BLK: variants seen among roughly 807,000 people sequenced by gnomAD.
The protein encoded by BLK is tyrosine-protein kinase Blk.
BLK carries 64 observed loss-of-function variants against 61.8 expected under a neutral mutation model. That is an observed-to-expected ratio of 1.03 (90% CI 0.85 to 1.27). The LOEUF is 1.27. Ranked by LOEUF, BLK falls within the 50% of genes most tolerant of loss-of-function variation. The probability of loss-of-function intolerance (pLI) is 0.00; values close to 1 mark genes in which losing one functional copy is unlikely to be tolerated. For missense variants in BLK, 853 were observed against 660.5 expected (o/e 1.29, Z -3.19); for synonymous variants, 351 against 272.0 (o/e 1.29, Z -2.86).
rs12386974 is a variant in BLK at position 11,543,119 on chromosome 8, C to G, written c.-1-105C>G. The G allele has an allele frequency of 0.54, 847,021 of 1,577,420 alleles. 236,504 individuals carry two copies. The highest frequency in any genetic ancestry group is 1 in the East Asian group (44,357 of 44,468). On this transcript the variant is annotated intron_variant, in intron 1 of 12. Transcript: ENST00000259089. ...GGTCTTTGCTGCACCCACTTCCACC[C>G]CACCTTTCTAACCAGCCTCCCGGAA...
At chr8:11,536,932 C>T (rs1563103709) in intron 1 of BLK, among the ~76,000 whole-genome samples, 12 of 152,144 alleles carry the variant, frequency 7.9e-5, no homozygotes, top group Admixed American at 7.9e-4. Context: ...TCCTTATTTT[C>T]CTGTGAGAGT....
chr8:11,498,019 C>G (rs1282417779), intron 1 of BLK, among the ~76,000 whole-genome samples: 1 of 152,222 alleles, frequency 6.6e-6, no homozygotes, highest in Non-Finnish European at 1.5e-5. Context: ...TCCTCCTTGT[C>G]CACTGTGGGG....
intron 1 of BLK, among the ~76,000 whole-genome samples, chr8:11,502,974 G>A (rs1044980112): frequency 3.9e-5 from 6 of 152,186 alleles, no homozygotes; most frequent in South Asian, 2.1e-4. Context: ...GTCCCCACTC[G>A]CAAAACGGCT....
intron 1 of BLK, among the ~76,000 whole-genome samples, chr8:11,523,876 A>T (rs1453876369): frequency 6.6e-6 from 1 of 151,704 alleles, no homozygotes; most frequent in Non-Finnish European, 1.5e-5. Context: ...ACCATTGTCC[A>T]GGGACTGGAG....
chr8:11,557,136 G>A (rs1473621996), intron 9 of BLK, among the ~76,000 whole-genome samples: 1 of 152,192 alleles, frequency 6.6e-6, no homozygotes, highest in Non-Finnish European at 1.5e-5. Flanking sequence ...GAGGGACAGA[G>A]CATTGCAAAG....
intron 1 of BLK, among the ~76,000 whole-genome samples, chr8:11,531,301 C>T (rs1205187161): frequency 6.6e-6 from 1 of 152,064 alleles, no homozygotes; most frequent in Non-Finnish European, 1.5e-5. Flanking sequence ...TGCAGAAGTT[C>T]TTAATTTTGA....
In BLK at chr8:11,549,090, T is replaced by C. The variant is rs140189065; in HGVS notation, c.336T>C (p.Phe112=). 183 of 1,610,444 alleles carry C rather than the reference T, an allele frequency of 1.1e-4. No homozygotes were observed. The highest frequency in any genetic ancestry group is 1.5e-4 in the Non-Finnish European group (173 of 1,178,676). The change falls in exon 5 of 13, where the codon TTT becomes TTC. Residue 112 remains phenylalanine, a synonymous_variant. Coordinates refer to ENST00000259089, the MANE Select transcript of BLK (RefSeq NM_001715.3). The part of the protein sequence containing the change: ...TGREGYVPSN[F]VARVESLEME... ...GAGAAGGCTATGTGCCCAGTAACTTTGTGGCCCGAGTGGAGAGCCTGGAAA... is the reference window on the plus strand; with the variant it reads ...GAGAAGGCTATGTGCCCAGTAACTTCGTGGCCCGAGTGGAGAGCCTGGAAA...
At chr8:11,515,467 A>T (rs1799187808) in intron 1 of BLK, among the ~76,000 whole-genome samples, 1 of 152,114 alleles carries the variant, frequency 6.6e-6, no homozygotes, top group African/African-American at 2.4e-5. Context: ...CGAAGTAAGC[A>T]GCCGGCGCAC....
At chr8:11,544,392 T>A (rs891874045) in intron 2 of BLK, among the ~76,000 whole-genome samples, 3 of 152,174 alleles carry the variant, frequency 2.0e-5, no homozygotes, top group Non-Finnish European at 4.4e-5. Context: ...GTCCACGTGG[T>A]CATCTCTTTA....
chr8:11,542,205 A>G (rs959290772), intron 1 of BLK, among the ~76,000 whole-genome samples: 3 of 152,230 alleles, frequency 2.0e-5, no homozygotes, highest in African/African-American at 7.2e-5. Context: ...AAAGAGAAAA[A>G]AAATGCTGCT....
At chr8:11,524,159 A>C (rs957593308) in intron 1 of BLK, among the ~76,000 whole-genome samples, 7 of 152,222 alleles carry the variant, frequency 4.6e-5, no homozygotes, top group African/African-American at 1.7e-4. Flanking sequence ...AATAGCATGC[A>C]GTTATTCATA....
chr8:11,545,210 T>G (rs1036134837), intron 2 of BLK, among the ~76,000 whole-genome samples: 1 of 152,206 alleles, frequency 6.6e-6, no homozygotes, highest in East Asian at 1.9e-4. Context: ...TATACTGTAA[T>G]TTGTTTATTC....
intron 1 of BLK, among the ~76,000 whole-genome samples, chr8:11,542,720 A>G (rs1347451730): frequency 6.6e-6 from 1 of 152,220 alleles, no homozygotes; most frequent in African/African-American, 2.4e-5. Context: ...TCCTAAATGT[A>G]TATAGTGTCT....
chr8:11,548,934 G>A (rs1426822926), intron 4 of BLK, 90 bp from the exon 5 acceptor site: 1 of 1,173,722 alleles, frequency 8.5e-7, no homozygotes, highest in Non-Finnish European at 1.2e-6. Flanking sequence ...TGCCCTCCAG[G>A]GAGAGATGAC....
intron 1 of BLK, among the ~76,000 whole-genome samples, chr8:11,519,332 C>T (rs1224524997): frequency 1.3e-5 from 2 of 152,174 alleles, no homozygotes; most frequent in African/African-American, 2.4e-5. Flanking sequence ...CTGTCTAGAC[C>T]AGAAGCTCCG....
chr8:11,550,412 C>A, intron 6 of BLK, 150 bp downstream of exon 6: 2 of 775,412 alleles, frequency 2.6e-6, no homozygotes, highest in Non-Finnish European at 4.4e-6. Flanking sequence ...CAGGCCCTGC[C>A]CGGGAGTTGA....
chr8:11,557,480 T>G (rs1375420303), intron 9 of BLK, among the ~76,000 whole-genome samples: 2 of 152,342 alleles, frequency 1.3e-5, no homozygotes, highest in East Asian at 3.9e-4. Flanking sequence ...CCCAGCTTTC[T>G]GATTCCAGGG....
chr8:11,525,660 A>G (rs1455828076), intron 1 of BLK, among the ~76,000 whole-genome samples: 1 of 152,232 alleles, frequency 6.6e-6, no homozygotes, highest in African/African-American at 2.4e-5. Context: ...CAGAAAAGGT[A>G]TAAACTGAAA....
At chr8:11,545,397 A>G (rs1422454948) in intron 2 of BLK, among the ~76,000 whole-genome samples, 2 of 152,142 alleles carry the variant, frequency 1.3e-5, no homozygotes, top group Non-Finnish European at 2.9e-5. Context: ...AAAAATACAA[A>G]AATTAGCTGG....
Sources: allele counts gnomAD v4.1 joint callset (sites outside exome capture counted in the v4.1 genomes callset), GRCh38; gene constraint gnomAD v4.1.1; transcripts MANE v1.5; gene names NCBI Gene and HGNC (gene_info 2026-07-23, HGNC 2026-07-21).